JPH3: variants seen among roughly 807,000 people sequenced by gnomAD.
JPH3 encodes junctophilin 3.
In JPH3, 11 loss-of-function variants were observed where a neutral mutation model predicts 59.6. The ratio of observed to expected loss-of-function variants is 0.18; its 90% CI spans 0.12 to 0.31. The LOEUF (loss-of-function observed/expected upper bound fraction) is 0.31, where lower values mean the gene tolerates loss of function less well. JPH3 is among the 10% of genes least tolerant of loss of function. The pLI is 1.00. For missense variants in JPH3, 1,202 were observed against 1,105.7 expected, an observed-to-expected ratio of 1.09 and a Z score of -1.24; for synonymous variants, 673 against 483.6, an observed-to-expected ratio of 1.39 and a Z score of -5.14.
chr16:87,608,000 G>A (rs904076387), intron 1 of JPH3, among the ~76,000 whole-genome samples: 3 of 152,290 alleles, frequency 2.0e-5, no homozygotes, highest in African/African-American at 7.2e-5. Flanking sequence ...AAATGTGGCT[G>A]AAGGGCACCC....
chr16:87,628,290 C>A (rs2031450085), intron 1 of JPH3, among the ~76,000 whole-genome samples: 1 of 152,258 alleles, frequency 6.6e-6, no homozygotes, highest in Admixed American at 6.5e-5. Flanking sequence ...CGGCCCAGGA[C>A]AAGCCAGCCC....
intron 1 of JPH3, among the ~76,000 whole-genome samples, chr16:87,619,472 C>A (rs1447178550): frequency 1.3e-5 from 2 of 152,222 alleles, no homozygotes; most frequent in Non-Finnish European, 2.9e-5. Context: ...CTGAGATAAA[C>A]TGCGCTGGGT....
rs374964129 is a variant in JPH3, at chr16:87,679,128, A to G, written c.1161-5014A>G. ...CCGTGTGCCCATCCCCCAGCTGGCC[A>G]GGCTCAGCTGAGAGCTCCTCGACCT... On this transcript the variant is annotated intron_variant, in intron 2 of 4. Coordinates refer to ENST00000284262, the MANE Select transcript of JPH3 (RefSeq NM_020655.4). 1.3e-3 allele frequency among the ~76,000 whole-genome samples: 199 copies of G among 152,324 alleles called. 1 individual carries two copies. Among genetic ancestry groups the G allele is most frequent in the African/African-American group, 4.4e-3 (185 of 41,576 alleles).
intron 2 of JPH3, among the ~76,000 whole-genome samples, chr16:87,667,446 C>T (rs1281835354): frequency 1.3e-5 from 2 of 152,234 alleles, no homozygotes; most frequent in Middle Eastern, 3.2e-3. Context: ...GTCTGCCGCC[C>T]GACTTCCCCA....
chr16:87,696,483 T>C, intron 4 of JPH3, 97 bp from the exon 5 acceptor site: 1 of 972,954 alleles, frequency 1.0e-6, no homozygotes, highest in Admixed American at 1.8e-5. Context: ...CCCCCGAGGG[T>C]CTGCTAGCTT....
intron 2 of JPH3, among the ~76,000 whole-genome samples, chr16:87,664,668 C>G (rs1210441340): frequency 1.3e-5 from 2 of 152,206 alleles, no homozygotes; most frequent in African/African-American, 4.8e-5. Context: ...CGAGTGGAGG[C>G]TGGGGCCAGG....
chr16:87,651,891 A>G (rs562451945), intron 2 of JPH3, among the ~76,000 whole-genome samples: 1 of 152,396 alleles, frequency 6.6e-6, no homozygotes, highest in South Asian at 2.1e-4. Flanking sequence ...CCGTGAGTCA[A>G]ATGCTATCAA....
intron 1 of JPH3, among the ~76,000 whole-genome samples, chr16:87,619,114 C>T (rs1320467180): frequency 6.6e-6 from 1 of 150,408 alleles, no homozygotes; most frequent in Non-Finnish European, 1.5e-5. Context: ...GGGGGCACTG[C>T]GCACCAGCCT....
intron 1 of JPH3, among the ~76,000 whole-genome samples, chr16:87,641,086 C>A (rs1201982606): frequency 6.6e-6 from 1 of 152,258 alleles, no homozygotes; most frequent in Non-Finnish European, 1.5e-5. Flanking sequence ...TCCGAGTCAG[C>A]TGCCCCCTCT....
chr16:87,626,152 A>G (rs905752333), intron 1 of JPH3, among the ~76,000 whole-genome samples: 3 of 152,040 alleles, frequency 2.0e-5, no homozygotes, highest in South Asian at 2.1e-4. Context: ...CCGGGGTCTC[A>G]TGTCTGTGGG....
At chr16:87,670,479 C>T (rs1164684543) in intron 2 of JPH3, among the ~76,000 whole-genome samples, 1 of 152,208 alleles carries the variant, frequency 6.6e-6, no homozygotes, top group Non-Finnish European at 1.5e-5. Context: ...AAGCAGTGGA[C>T]TGCGGGACAG....
Position 87,690,120 on chromosome 16 carries a change from A to G in JPH3, c.1760A>G (p.His587Arg). 6.3e-7 allele frequency: 1 copy of G among 1,583,990 alleles called. No individual in the cohort carries two copies. The highest frequency in any genetic ancestry group is 8.6e-7 in the Non-Finnish European group (1 of 1,165,450). Residue 587 changes from histidine to arginine, a missense_variant, in exon 4 of 5, where the codon CAC becomes CGC. By Grantham distance (29) the His-to-Arg change is conservative. Coordinates refer to ENST00000284262, the MANE Select transcript of JPH3 (RefSeq NM_020655.4). ...ESPPVFTWTSHHRASNHSPGG... is the reference protein window; with the variant it reads ...ESPPVFTWTSRHRASNHSPGG... The stretch of plus-strand genomic sequence containing the variant: ...CCCCCCGTGTTCACGTGGACTTCCC[A>G]CCACCGGGCCAGCAACCACAGCCCC...
intron 1 of JPH3, among the ~76,000 whole-genome samples, chr16:87,621,041 C>A (rs1226115875): frequency 6.6e-6 from 1 of 152,238 alleles, no homozygotes; most frequent in Non-Finnish European, 1.5e-5. Flanking sequence ...CGCCTGTAGT[C>A]CCAGCTACTC....
rs141227200 is a variant in JPH3 at position 87,658,672 on chromosome 16, A to G, written c.1160+13637A>G. Among the ~76,000 whole-genome samples the G allele has an allele frequency of 2.2e-3, 342 of 152,202 alleles. 2 individuals carry two copies. The highest frequency in any genetic ancestry group is 7.5e-3 in the African/African-American group (313 of 41,516). ...GGTGACACCGTGTGGGCATTTGTAA[A>G]GCAGGAGGCCCCAGCAGGTGGAGCA... is the stretch of plus-strand genomic sequence containing the variant. On this transcript the variant is annotated intron_variant, in intron 2 of 4. Coordinates refer to ENST00000284262, the MANE Select transcript of JPH3 (RefSeq NM_020655.4).
intron 2 of JPH3, among the ~76,000 whole-genome samples, chr16:87,665,574 A>G (rs1190536899): frequency 1.3e-5 from 2 of 152,226 alleles, no homozygotes; most frequent in Non-Finnish European, 2.9e-5. Context: ...AGACAGGCCT[A>G]GAGGCGTGGC....
chr16:87,667,086 G>T (rs896667439), intron 2 of JPH3, among the ~76,000 whole-genome samples: 3 of 152,220 alleles, frequency 2.0e-5, no homozygotes, highest in African/African-American at 7.2e-5. Flanking sequence ...CTCTGGGGAG[G>T]GTCCCTTCCG....
chr16:87,692,473 G>C (rs368315015), intron 4 of JPH3, among the ~76,000 whole-genome samples: 1 of 152,218 alleles, frequency 6.6e-6, no homozygotes, highest in Non-Finnish European at 1.5e-5. Flanking sequence ...CCACCAGCAG[G>C]GTCTGGGGTG....
intron 3 of JPH3, among the ~76,000 whole-genome samples, chr16:87,685,438 G>A (rs942322680): frequency 1.3e-5 from 2 of 152,240 alleles, no homozygotes; most frequent in East Asian, 1.9e-4. Flanking sequence ...CCATGGTCTC[G>A]CCCTCAGGCC....
At chr16:87,620,556 A>G (rs1390003813) in intron 1 of JPH3, among the ~76,000 whole-genome samples, 1 of 134,816 alleles carries the variant, frequency 7.4e-6, no homozygotes, top group Non-Finnish European at 1.6e-5. Context: ...GAAGGGCTGC[A>G]GAGGGGGAAC....
Sources: allele counts gnomAD v4.1 joint callset (sites outside exome capture counted in the v4.1 genomes callset), GRCh38; gene constraint gnomAD v4.1.1; transcripts MANE v1.5; gene names NCBI Gene and HGNC (gene_info 2026-07-23, HGNC 2026-07-21).